The following PPRC1 variants were observed in gnomAD, a reference collection of about 807,000 sequenced individuals.
The protein encoded by PPRC1 is PPARG related coactivator 1.
In PPRC1, 23 loss-of-function variants were observed where a neutral mutation model predicts 132.5. The observed-to-expected ratio is 0.17, with a 90% confidence interval of 0.12 to 0.25. PPRC1 has a LOEUF of 0.25. PPRC1 is among the 10% of genes least tolerant of loss of function. The pLI is 1.00. For synonymous variants in PPRC1, 872 were observed against 833.5 expected (o/e 1.05, Z -0.80); for missense variants, 2,006 against 2,089.1 (o/e 0.96, Z 0.78).
chr10:102,142,694 G>T (rs972420750), intron 5 of PPRC1, among the ~76,000 whole-genome samples: 11 of 152,126 alleles, frequency 7.2e-5, no homozygotes, highest in African/African-American at 2.4e-4. Flanking sequence ...GATTACAGGT[G>T]TAAGCCACCG....
rs929887650 is a variant in PPRC1 at position 102,150,213 on chromosome 10, A to G, written c.*184A>G. 7 of 529,566 alleles carry G rather than the reference A, an allele frequency of 1.3e-5. No homozygotes were observed. Among genetic ancestry groups the G allele is most frequent in the Middle Eastern group, 1.0e-3 (2 of 1,920 alleles). The allele number at this position is 529,566 out of a possible 1,614,324, so 32.8% of individuals were successfully genotyped here. A position where few individuals can be genotyped will look rare whatever the true frequency, so the allele number is the denominator to read the frequency against. ...AAAGGGGTATTTGTTTTTTTATAAC[A>G]GGTATTGAAACAAGTTAACTTGCAT... On this transcript the variant is annotated 3_prime_UTR_variant, in exon 14 of 14. Coordinates refer to ENST00000278070, the MANE Select transcript of PPRC1 (RefSeq NM_015062.5).
intron 2 of PPRC1, among the ~76,000 whole-genome samples, chr10:102,138,331 T>C (rs2068801593): frequency 6.6e-6 from 1 of 152,224 alleles, no homozygotes; most frequent in Admixed American, 6.5e-5. Flanking sequence ...TTTCAGCTCA[T>C]TTCTAGCCTA....
At chr10:102,130,708 C>T (rs2068527626), upstream of PPRC1, among the ~76,000 whole-genome samples, 1 of 152,022 alleles carries the variant, frequency 6.6e-6, no homozygotes. Flanking sequence ...GCACTCCAGC[C>T]TGGGTGACAA....
chr10:102,136,994 C>T (rs1357900720), intron 1 of PPRC1, among the ~76,000 whole-genome samples: 3 of 152,216 alleles, frequency 2.0e-5, no homozygotes, highest in Non-Finnish European at 4.4e-5. Flanking sequence ...AGAAGAGGCC[C>T]TTCCCTTGGA....
the PPRC1 span, among the ~76,000 whole-genome samples, chr10:102,124,262 G>A: frequency 4.7e-5 from 7 of 149,644 alleles, no homozygotes; most frequent in African/African-American, 1.5e-4. Context: ...ATGGGGTTTC[G>A]CCATGTTAGT....
chr10:102,138,117 C>G (rs938046647), intron 2 of PPRC1, 79 bp downstream of exon 2: 3 of 1,446,404 alleles, frequency 2.1e-6, no homozygotes, highest in Non-Finnish European at 2.8e-6. Flanking sequence ...TGGCATGGCT[C>G]TGCTCTCCCA....
rs762350976 is a variant in PPRC1, at chr10:102,141,325, C to A, written c.2817C>A (p.Pro939=). The A allele has an allele frequency of 3.7e-6, 6 of 1,613,970 alleles. No individual in the cohort carries two copies. The highest frequency in any genetic ancestry group is 5.1e-6 in the Non-Finnish European group (6 of 1,179,968). ...CTTCTGGCTATCCTTGCCTGCCCCC[C>A]CCACCAACGGTGCCCCTAGTGTCTG... ...VSPSGYPCLP[P]PPTVPLVSGT... is the part of the protein sequence containing the mutation. Residue 939 remains proline, a synonymous_variant, in exon 5 of 14, where the codon CCC becomes CCA. Transcript: ENST00000278070.
chr10:102,134,786 G>A (rs542963810), intron 1 of PPRC1, among the ~76,000 whole-genome samples: 14 of 151,288 alleles, frequency 9.3e-5, no homozygotes, highest in Non-Finnish European at 1.5e-4. Flanking sequence ...ACCTCCATCA[G>A]GTGTCCAGTC....
At position 102,141,751 on chromosome 10, in the gene PPRC1, T is replaced by G. The variant is rs377021151; in HGVS notation, c.3243T>G (p.Ala1081=). ...SALVQSPQMK[A]LACVSAEGVT... is the part of the protein sequence containing the mutation. The stretch of plus-strand genomic sequence containing the variant: ...TGGTGCAAAGTCCCCAGATGAAGGC[T>G]CTAGCATGTGTGTCTGCTGAAGGTG... Residue 1081 remains alanine, a synonymous_variant, in exon 5 of 14, where the codon GCT becomes GCG. Coordinates refer to ENST00000278070, the MANE Select transcript of PPRC1 (RefSeq NM_015062.5). The G allele has an allele frequency of 3.7e-6, 6 of 1,613,836 alleles. No individual in the cohort carries two copies. In the African/African-American group the frequency reaches 4.0e-5, roughly 11 times the overall value.
the PPRC1 span, chr10:102,120,172 G>C: frequency 1.7e-6 from 2 of 1,192,870 alleles, no homozygotes; most frequent in African/African-American, 3.2e-5. Flanking sequence ...CGCGGGGACA[G>C]GCCGGGCATG....
chr10:102,125,084 G>C, the PPRC1 span, among the ~76,000 whole-genome samples: 2 of 151,774 alleles, frequency 1.3e-5, no homozygotes, highest in African/African-American at 4.8e-5. Context: ...CAAGCCTCTA[G>C]TATTATTTAT....
At chr10:102,144,950 C>T in intron 7 of PPRC1, 70 bp from the exon 8 acceptor site, 26 of 1,099,376 alleles carry the variant, frequency 2.4e-5, no homozygotes, top group South Asian at 7.0e-5. Context: ...CCATTGATTT[C>T]TGAGAAAGGC....
rs1330245116 is a variant in PPRC1, at chr10:102,141,704, C to G, written c.3196C>G (p.Pro1066Ala). 34 of 1,614,048 alleles carry G rather than the reference C, an allele frequency of 2.1e-5. No individual in the cohort carries two copies. The highest frequency in any genetic ancestry group is 2.9e-5 in the Non-Finnish European group (34 of 1,179,940). The change falls in exon 5 of 14, where the codon CCG becomes GCG. Residue 1066 changes from proline to alanine, a missense_variant. Coordinates refer to ENST00000278070, the MANE Select transcript of PPRC1 (RefSeq NM_015062.5). ...CAAGCCAGTGCCTGCATCTCCCCAT[C>G]CGAAACACAAGGTGTCTGCCCTGGT... ...EVKPVPASPH[P>A]KHKVSALVQS...
Position 102,139,138 on chromosome 10 carries a change from C to T in PPRC1, c.630C>T (p.Ser210=), listed in dbSNP as rs1266900903. 3.1e-6 allele frequency: 5 copies of T among 1,611,766 alleles called. No individual in the cohort carries two copies. The highest frequency in any genetic ancestry group is 3.4e-6 in the Non-Finnish European group (4 of 1,178,554). Residue 210 remains serine (S), a synonymous_variant, in exon 5 of 14, where the codon TCC becomes TCT. Coordinates refer to ENST00000278070, the MANE Select transcript of PPRC1 (RefSeq NM_015062.5). The part of the protein sequence containing the change: ...MSLPDPSWDF[S]PPSFLETSSP... ...TTCCAGATCCCTCTTGGGACTTCTC[C>T]CCACCCTCTTTCTTAGAGACCTCTT...
the PPRC1 span, chr10:102,120,516 T>C: frequency 8.2e-6 from 3 of 364,862 alleles, no homozygotes; most frequent in Non-Finnish European, 1.1e-5. Flanking sequence ...CCGGGCTTTA[T>C]TAATATGCTA....
rs11357964 is a variant in PPRC1 at position 102,145,006 on chromosome 10, T to TC, written c.3609-6dup. 247 of 1,536,450 alleles carry TC rather than the reference T, an allele frequency of 1.6e-4. 1 individual carries two copies. The East Asian group carries it at 1.9e-3, about 12-fold the overall frequency. ...AGGCAATGAATCAGGCTTTCCCTTTTCCCCCCCCGCCAGCGGCGTTGACAT... is the reference window on the plus strand; with the variant it reads ...AGGCAATGAATCAGGCTTTCCCTTTTCCCCCCCCCGCCAGCGGCGTTGACAT... On this transcript the variant is annotated splice_polypyrimidine_tract_variant and intron_variant, in intron 7 of 13. Transcript: ENST00000278070.
At chr10:102,130,256 T>C (rs1041139389), upstream of PPRC1, among the ~76,000 whole-genome samples, 17 of 149,282 alleles carry the variant, frequency 1.1e-4, no homozygotes, top group African/African-American at 4.2e-4. Flanking sequence ...CTCTACTAAA[T>C]ATACAAAAAA....
the PPRC1 span, among the ~76,000 whole-genome samples, chr10:102,127,343 C>A: frequency 2.0e-5 from 3 of 152,066 alleles, no homozygotes; most frequent in African/African-American, 7.2e-5. Flanking sequence ...CACTGCACTC[C>A]AGCCTGGGCA....
At chr10:102,129,442 T>C (rs1349223358), upstream of PPRC1, among the ~76,000 whole-genome samples, 1 of 152,172 alleles carries the variant, frequency 6.6e-6, no homozygotes, top group African/African-American at 2.4e-5. Flanking sequence ...TTACCTTTTT[T>C]GAGTAGATTT....
Sources: allele counts gnomAD v4.1 joint callset (sites outside exome capture counted in the v4.1 genomes callset), GRCh38; gene constraint gnomAD v4.1.1; transcripts MANE v1.5; gene names NCBI Gene and HGNC (gene_info 2026-07-23, HGNC 2026-07-21).